The following TENM2 variants were observed in gnomAD, a reference collection of about 807,000 sequenced individuals.
TENM2 encodes the protein teneurin-2.
In TENM2, 52 loss-of-function variants were observed where a neutral mutation model predicts 245.2. The ratio of observed to expected loss-of-function variants is 0.21; its 90% CI spans 0.17 to 0.27. TENM2 has a LOEUF of 0.27. Ranked by LOEUF, TENM2 falls within the 10% of genes least tolerant of loss-of-function variation. The probability of loss-of-function intolerance (pLI) is 1.00; values close to 1 mark genes in which losing one functional copy is unlikely to be tolerated. For missense variants in TENM2, 3,046 were observed against 3,666.8 expected (o/e 0.83, Z 4.37); for synonymous variants, 1,363 against 1,438.9 (o/e 0.95, Z 1.19).
rs189482304 is a variant in TENM2 at position 168,005,276 on chromosome 5, C to T, written c.1186+12094C>T. Among the ~76,000 whole-genome samples, 7 of 152,234 alleles carry T rather than the reference C, an allele frequency of 4.6e-5. No individual in the cohort carries two copies. In the East Asian group the frequency reaches 1.4e-3, roughly 29 times the overall value. On this transcript the variant is annotated intron_variant, in intron 5 of 28. Coordinates refer to ENST00000518659, the Ensembl canonical transcript of TENM2. ...TGAAGGAAGAAAAAGAGCTGTCTGT[C>T]GTGTTTGTATGACTAAGGGATTTCT...
intron 2 of TENM2, among the ~76,000 whole-genome samples, chr5:167,786,154 C>G (rs1764565016): frequency 6.6e-6 from 1 of 152,146 alleles, no homozygotes; most frequent in Non-Finnish European, 1.5e-5. Flanking sequence ...AGTTCAACTT[C>G]TAGTTTTGGA....
chr5:167,446,781 T>C (rs1292184530), intron 2 of TENM2, among the ~76,000 whole-genome samples: 5 of 135,518 alleles, frequency 3.7e-5, no homozygotes, highest in Non-Finnish European at 7.8e-5. Flanking sequence ...CCCATCTCAG[T>C]TTTTGAAACA....
At chr5:167,895,100 C>A (rs1301649080) in intron 3 of TENM2, among the ~76,000 whole-genome samples, 1 of 152,126 alleles carries the variant, frequency 6.6e-6, no homozygotes, top group Non-Finnish European at 1.5e-5. Flanking sequence ...CGTAAAACTT[C>A]TCAGGGCCTT....
intron 3 of TENM2, among the ~76,000 whole-genome samples, chr5:167,913,587 G>A (rs758289852): frequency 6.6e-6 from 1 of 152,110 alleles, no homozygotes; most frequent in Non-Finnish European, 1.5e-5. Flanking sequence ...CTAGTTTCTG[G>A]TGGAGAAATT....
At chr5:167,436,333 C>A (rs7710471) in intron 2 of TENM2, among the ~76,000 whole-genome samples, 1 of 151,920 alleles carries the variant, frequency 6.6e-6, no homozygotes, top group Non-Finnish European at 1.5e-5. Context: ...GTGTTCCCCC[C>A]ACCTCAGCCT....
chr5:167,921,379 G>A lies in TENM2; in HGVS notation c.713-31209G>A, dbSNP rs115506504. Among the ~76,000 whole-genome samples the A allele has an allele frequency of 9.3e-3, 1,416 of 152,238 alleles. 27 individuals are homozygous for A. Among genetic ancestry groups the A allele is most frequent in the African/African-American group, 0.032 (1,337 of 41,534 alleles). ...AGCTGATCTTCCGTTGGCCTCATTC[G>A]CAGGAGTTGAGTTCCTAGATGGGAA... On this transcript the variant is annotated intron_variant, in intron 3 of 28. Transcript: ENST00000518659.
At chr5:167,185,308 C>G in the TENM2 span, among the ~76,000 whole-genome samples, 59 of 152,170 alleles carry the variant, frequency 3.9e-4, no homozygotes, top group African/African-American at 1.3e-3. Flanking sequence ...AACTAAGAAC[C>G]TAGTTGATTT....
At chr5:167,891,052 T>C (rs1774715197) in intron 3 of TENM2, among the ~76,000 whole-genome samples, 1 of 152,294 alleles carries the variant, frequency 6.6e-6, no homozygotes, top group Admixed American at 6.5e-5. Context: ...ACTATCAAGG[T>C]CTTTTTAAAT....
At chr5:167,014,824 C>G in the TENM2 span, among the ~76,000 whole-genome samples, 1 of 152,132 alleles carries the variant, frequency 6.6e-6, no homozygotes, top group Admixed American at 6.5e-5. Context: ...ACTATCAATC[C>G]CAGAAGTGAC....
chr5:167,901,475 T>C (rs1775701196), intron 3 of TENM2, among the ~76,000 whole-genome samples: 1 of 152,180 alleles, frequency 6.6e-6, no homozygotes, highest in South Asian at 2.1e-4. Flanking sequence ...AGTGACACTG[T>C]GGTCTAGAGT....
At chr5:167,301,033 G>A (rs776402249) in intron 1 of TENM2, among the ~76,000 whole-genome samples, 2 of 152,180 alleles carry the variant, frequency 1.3e-5, no homozygotes, top group Admixed American at 1.3e-4. Context: ...GTAATGTGGA[G>A]TGGGTAGCCT....
At chr5:167,341,359 G>C (rs544608658) in intron 1 of TENM2, among the ~76,000 whole-genome samples, 6 of 151,928 alleles carry the variant, frequency 3.9e-5, no homozygotes, top group African/African-American at 1.4e-4. Flanking sequence ...CCAAACTACC[G>C]GGATATCTGT....
chr5:167,785,362 C>T (rs906875221), intron 2 of TENM2, among the ~76,000 whole-genome samples: 1 of 152,180 alleles, frequency 6.6e-6, no homozygotes, highest in African/African-American at 2.4e-5. Context: ...TTTCTTTCTT[C>T]CCTTTTTTTT....
intron 9 of TENM2, among the ~76,000 whole-genome samples, chr5:168,108,912 C>T (rs1709474775): frequency 6.6e-6 from 1 of 152,194 alleles, no homozygotes; most frequent in Non-Finnish European, 1.5e-5. Context: ...TGGTCCTCCC[C>T]GTCACCAGGA....
At position 167,742,784 on chromosome 5, in the gene TENM2, CA is replaced by C. The variant is rs796154169; in HGVS notation, c.503-133189del. Among the ~76,000 whole-genome samples, 1,116 of 132,950 alleles carry C rather than the reference CA, an allele frequency of 8.4e-3. 6 individuals carry two copies. The highest frequency in any genetic ancestry group is 0.018 in the African/African-American group (657 of 36,284). The allele number at this position is 132,950 out of a possible 152,430, so 87.2% of individuals were successfully genotyped here. A position where few individuals can be genotyped will look rare whatever the true frequency, so the allele number is the denominator to read the frequency against. Reference sequence around the variant, plus strand: ...TGGGCAACCTACCTACCATCTCTACCAAAAAAAAAAAAAGAAAGAAAGAAAG... The same window carrying C: ...TGGGCAACCTACCTACCATCTCTACCAAAAAAAAAAAAGAAAGAAAGAAAG... On this transcript the variant is annotated intron_variant, in intron 2 of 28. Coordinates refer to ENST00000518659, the Ensembl canonical transcript of TENM2.
At chr5:167,803,659 T>C (rs1677400211) in intron 2 of TENM2, among the ~76,000 whole-genome samples, 1 of 152,066 alleles carries the variant, frequency 6.6e-6, no homozygotes, top group Admixed American at 6.6e-5. Flanking sequence ...ATTCAGAGGA[T>C]AGACCTCATG....
At chr5:168,071,333 C>G (rs1790998507) in intron 7 of TENM2, among the ~76,000 whole-genome samples, 1 of 152,146 alleles carries the variant, frequency 6.6e-6, no homozygotes, top group African/African-American at 2.4e-5. Flanking sequence ...ACAAACAAAA[C>G]AGATTTCAAT....
chr5:168,088,958 A>C (rs1792694191), intron 7 of TENM2, among the ~76,000 whole-genome samples: 1 of 152,210 alleles, frequency 6.6e-6, no homozygotes, highest in Non-Finnish European at 1.5e-5. Context: ...TGGAAGGGAA[A>C]GTGGAGAGAT....
chr5:167,883,818 A>G (rs991397747), intron 3 of TENM2, among the ~76,000 whole-genome samples: 1 of 152,228 alleles, frequency 6.6e-6, no homozygotes. Flanking sequence ...AATATTCAAT[A>G]GTAATTTTTA....
Sources: gnomAD v4.1 joint callset for allele counts (sites outside exome capture counted in the v4.1 genomes callset) on GRCh38, gnomAD v4.1.1 for gene constraint, MANE v1.5 for transcripts, NCBI Gene and HGNC (gene_info 2026-07-23, HGNC 2026-07-21) for gene names.